The following PKIB variants were observed in gnomAD, a reference collection of about 807,000 sequenced individuals.
PKIB encodes the protein cAMP-dependent protein kinase inhibitor beta.
Under a neutral mutation model 4.5 loss-of-function variants are expected in PKIB, and 2 were observed. The ratio of observed to expected loss-of-function variants is 0.44; its 90% CI spans 0.18 to 1.39. PKIB has a LOEUF of 1.39. Ranked by LOEUF, PKIB falls within the 40% of genes most tolerant of loss-of-function variation. PKIB has a pLI of 0.27. For missense variants in PKIB, 94 were observed against 92.6 expected, an observed-to-expected ratio of 1.02 and a Z score of -0.06; for synonymous variants, 38 against 36.0, an observed-to-expected ratio of 1.06 and a Z score of -0.20.
intron 2 of PKIB, among the ~76,000 whole-genome samples, chr6:122,634,966 A>G (rs867879962): frequency 8.1e-4 from 123 of 151,588 alleles, no homozygotes; most frequent in African/African-American, 2.8e-3. Flanking sequence ...AAAGAATAGC[A>G]TGTCTTAATT....
chr6:122,659,025 A>T (rs1341698625), intron 2 of PKIB, among the ~76,000 whole-genome samples: 15 of 151,990 alleles, frequency 9.9e-5, no homozygotes, highest in Non-Finnish European at 1.0e-4. Flanking sequence ...ACTTTTCATA[A>T]GGAATGAAAA....
At chr6:122,661,239 C>G (rs1776974958) in intron 2 of PKIB, among the ~76,000 whole-genome samples, 1 of 152,052 alleles carries the variant, frequency 6.6e-6, no homozygotes, top group Non-Finnish European at 1.5e-5. Context: ...TAAAAGCCAC[C>G]CATTTAAATA....
At chr6:122,551,844 G>A (rs1772681556) in intron 2 of PKIB, among the ~76,000 whole-genome samples, 1 of 139,986 alleles carries the variant, frequency 7.1e-6, no homozygotes, top group Admixed American at 7.1e-5. Context: ...GCTATAGAAA[G>A]TGACGGAAGG....
intron 2 of PKIB, among the ~76,000 whole-genome samples, chr6:122,522,022 T>A (rs1454746727): frequency 1.3e-5 from 2 of 152,192 alleles, no homozygotes; most frequent in Non-Finnish European, 2.9e-5. Context: ...GTTGATGTTG[T>A]GAGTTGTCTC....
At chr6:122,553,135 A>T (rs901547975) in intron 2 of PKIB, among the ~76,000 whole-genome samples, 1 of 152,102 alleles carries the variant, frequency 6.6e-6, no homozygotes. Flanking sequence ...TGTCACCCGC[A>T]AGGTAATAGC....
At chr6:122,634,405 C>G (rs1047316047) in intron 2 of PKIB, among the ~76,000 whole-genome samples, 1 of 151,886 alleles carries the variant, frequency 6.6e-6, no homozygotes. Flanking sequence ...CTTGGTAAAA[C>G]TTGTATTTGA....
chr6:122,497,786 T>C (rs1776117702), intron 2 of PKIB, among the ~76,000 whole-genome samples: 2 of 152,168 alleles, frequency 1.3e-5, no homozygotes, highest in South Asian at 4.1e-4. Context: ...ATTCCACTGA[T>C]GGCATTAGAC....
intron 2 of PKIB, among the ~76,000 whole-genome samples, chr6:122,662,698 C>T (rs1338420467): frequency 3.3e-5 from 5 of 152,130 alleles, no homozygotes; most frequent in Admixed American, 3.3e-4. Context: ...TAAGCTAACA[C>T]TGAATTTAGT....
chr6:122,647,361 T>C (rs1776365802), intron 2 of PKIB, among the ~76,000 whole-genome samples: 2 of 152,222 alleles, frequency 1.3e-5, no homozygotes, highest in African/African-American at 4.8e-5. Context: ...GAGTGTCCGA[T>C]TGATTAACTG....
At chr6:122,535,226 A>G (rs1298165620) in intron 2 of PKIB, among the ~76,000 whole-genome samples, 1 of 152,076 alleles carries the variant, frequency 6.6e-6, no homozygotes, top group Non-Finnish European at 1.5e-5. Context: ...TTTTGGTAGG[A>G]GTTTTACTCA....
At chr6:122,604,631 A>C (rs1386621592) in intron 3 of PKIB, among the ~76,000 whole-genome samples, 5 of 152,204 alleles carry the variant, frequency 3.3e-5, no homozygotes, top group Non-Finnish European at 7.3e-5. Context: ...TTTCGATTTA[A>C]TAAGGAGGCC....
rs142207825 is a variant in PKIB at position 122,543,646 on chromosome 6, C to T, written c.-247-42275C>T. 2.6e-3 allele frequency among the ~76,000 whole-genome samples: 400 copies of T among 152,022 alleles called. 9 individuals are homozygous for T. Among genetic ancestry groups the T allele is most frequent in the African/African-American group, 9.1e-3 (378 of 41,370 alleles). On this transcript the variant is annotated intron_variant, in intron 2 of 6. Transcript: ENST00000392491. ...CTACCCACCTCAGTCTCCCAAAGTG[C>T]TGGGATTACAGGCATGAGCCACTGC... is the stretch of plus-strand genomic sequence containing the variant.
At chr6:122,602,008 AT>A (rs78504289) in intron 3 of PKIB, among the ~76,000 whole-genome samples, 249 of 140,224 alleles carry the variant, frequency 1.8e-3, no homozygotes, top group Middle Eastern at 3.8e-3. Context: ...CTTTCCCTTC[AT>A]TTTTTTTTTT....
chr6:122,590,256 A>G (rs1773977463), intron 3 of PKIB, among the ~76,000 whole-genome samples: 1 of 152,204 alleles, frequency 6.6e-6, no homozygotes, highest in Non-Finnish European at 1.5e-5. Context: ...ATAAAAAATC[A>G]TTCACAGTGA....
chr6:122,582,975 TATTG>T (rs1229233867), intron 2 of PKIB, among the ~76,000 whole-genome samples: 1 of 152,066 alleles, frequency 6.6e-6, no homozygotes, highest in Non-Finnish European at 1.5e-5. Flanking sequence ...ATCTTCTGAA[TATTG>T]ATTAATACTT....
chr6:122,642,818 A>G (rs1224432046), intron 2 of PKIB, among the ~76,000 whole-genome samples: 4 of 152,184 alleles, frequency 2.6e-5, no homozygotes. Flanking sequence ...ACAGGCCTGC[A>G]ATTTCCTTTA....
At chr6:122,553,985 C>T (rs942955518) in intron 2 of PKIB, among the ~76,000 whole-genome samples, 1 of 152,178 alleles carries the variant, frequency 6.6e-6, no homozygotes, top group Non-Finnish European at 1.5e-5. Context: ...AAAAATTAAT[C>T]ATCAGTATAT....
chr6:122,475,174 G>C (rs867449794), intron 1 of PKIB, among the ~76,000 whole-genome samples: 1 of 152,254 alleles, frequency 6.6e-6, no homozygotes, highest in Middle Eastern at 3.4e-3. Context: ...GCAGTGGCCT[G>C]ATCTCAGCTC....
chr6:122,500,013 G>C (rs1171262974), intron 2 of PKIB, among the ~76,000 whole-genome samples: 2 of 152,044 alleles, frequency 1.3e-5, no homozygotes, highest in Non-Finnish European at 2.9e-5. Context: ...ATATCTACAA[G>C]GAAAACTATG....
Sources: allele counts gnomAD v4.1 joint callset (sites outside exome capture counted in the v4.1 genomes callset), GRCh38; gene constraint gnomAD v4.1.1; transcripts MANE v1.5; gene names NCBI Gene and HGNC (gene_info 2026-07-23, HGNC 2026-07-21).